The following CHEK2 variants were observed in gnomAD, a reference collection of about 807,000 sequenced individuals.
CHEK2 encodes the protein serine/threonine-protein kinase Chk2.
Under a neutral mutation model 69.1 loss-of-function variants are expected in CHEK2, and 71 were observed. The ratio of observed to expected loss-of-function variants is 1.03; its 90% CI spans 0.85 to 1.25. The LOEUF (loss-of-function observed/expected upper bound fraction) is 1.25. CHEK2 is among the 50% of genes most tolerant of loss of function. The probability of loss-of-function intolerance (pLI) is 0.00; values close to 1 mark genes in which losing one functional copy is unlikely to be tolerated. For missense variants in CHEK2, 664 were observed against 649.6 expected, an observed-to-expected ratio of 1.02 and a Z score of -0.24; for synonymous variants, 189 against 226.9, an observed-to-expected ratio of 0.83 and a Z score of 1.50.
At chr22:28,699,994 G>A (rs1405784906) in intron 8 of CHEK2, 57 bp from the exon 9 acceptor site, 3 of 1,167,092 alleles carry the variant, frequency 2.6e-6, no homozygotes, top group Non-Finnish European at 3.8e-6. Flanking sequence ...CACTTGGACA[G>A]AAGACAATAA....
chr22:28,701,229 CT>C (rs2052832518), intron 8 of CHEK2, among the ~76,000 whole-genome samples: 1 of 151,654 alleles, frequency 6.6e-6, no homozygotes, highest in South Asian at 2.1e-4. Context: ...TTACCATAGT[CT>C]TTTTTCTTTT....
chr22:28,717,531 C>T (rs560659379), intron 5 of CHEK2, among the ~76,000 whole-genome samples: 214 of 149,798 alleles, frequency 1.4e-3, no homozygotes, highest in African/African-American at 4.9e-3. Flanking sequence ...CCCAGGAGTT[C>T]GAGACAAGCC....
At chr22:28,693,485 G>C (rs902242560) in intron 13 of CHEK2, among the ~76,000 whole-genome samples, 3 of 152,166 alleles carry the variant, frequency 2.0e-5, no homozygotes, top group African/African-American at 7.2e-5. Flanking sequence ...TAAGGTTGAA[G>C]ATGGCTGGAA....
In CHEK2 at chr22:28,710,070, C is replaced by T. The variant is rs5997387; in HGVS notation, c.793-11G>A. The T allele has an allele frequency of 9.2e-5, 140 of 1,527,242 alleles. No homozygotes were observed. In the African/African-American group the frequency reaches 1.7e-3, roughly 19 times the overall value. The allele number at this position is 1,527,242 out of a possible 1,614,324, so 94.6% of individuals were successfully genotyped here. ...ATTGAGAGCTGGGTCCTTTGATAAA[C>T]AGAATAACAGAGTTTATTAGTAATA... On this transcript the variant is annotated splice_polypyrimidine_tract_variant and intron_variant, in intron 6 of 14. Coordinates refer to ENST00000404276, the MANE Select transcript of CHEK2 (RefSeq NM_007194.4).
At chr22:28,703,834 G>A (rs1374375605) in intron 7 of CHEK2, among the ~76,000 whole-genome samples, 1 of 152,166 alleles carries the variant, frequency 6.6e-6, no homozygotes. Context: ...TGGGAATGAA[G>A]GCTAGGTCTC....
At chr22:28,695,617 C>A in intron 11 of CHEK2, 93 bp downstream of exon 11, 1 of 1,060,714 alleles carries the variant, frequency 9.4e-7, no homozygotes, top group South Asian at 1.3e-5. Context: ...GATCAAGCCA[C>A]TGCATGCCAG....
rs7292515 is a variant in CHEK2, at chr22:28,714,176, G to A, written c.684-2159C>T. 3.4e-3 allele frequency among the ~76,000 whole-genome samples: 524 copies of A among 152,212 alleles called. 1 individual carries two copies. Among genetic ancestry groups the A allele is most frequent in the African/African-American group, 0.012 (496 of 41,528 alleles). On this transcript the variant is annotated intron_variant, in intron 5 of 14. Coordinates refer to ENST00000404276, the MANE Select transcript of CHEK2 (RefSeq NM_007194.4). ...AGTGGCTACATCATTTTACATTCCC[G>A]TTAGCAGTGCATGGGGGTTCCAATT...
At chr22:28,699,177 T>C (rs1392400030) in intron 9 of CHEK2, among the ~76,000 whole-genome samples, 1 of 151,964 alleles carries the variant, frequency 6.6e-6, no homozygotes, top group African/African-American at 2.4e-5. Context: ...GCTATTTTTA[T>C]TTTTTGTAGA....
intron 2 of CHEK2, among the ~76,000 whole-genome samples, chr22:28,731,587 C>T (rs893248455): frequency 6.6e-6 from 1 of 152,136 alleles, no homozygotes; most frequent in Non-Finnish European, 1.5e-5. Flanking sequence ...CAGAGTGAGA[C>T]TCCGTCTCAA....
rs1569149531 is a variant in CHEK2 at position 28,719,339 on chromosome 22, C to G, written c.683+56G>C. On this transcript the variant is annotated intron_variant, in intron 5 of 14. Transcript: ENST00000404276. ...TATAAAATCAGAAATGAGAAACCAC[C>G]AATCACAAATGTATAGTGAAAAAAT... The G allele has an allele frequency of 1.6e-5, 14 of 888,772 alleles. No homozygotes were observed. The South Asian group carries it at 2.1e-4, about 13-fold the overall frequency. 55.1% of individuals were successfully genotyped at this position (888,772 alleles called of 1,614,324 possible).
chr22:28,715,087 A>T (rs1198656450), intron 5 of CHEK2, among the ~76,000 whole-genome samples: 2 of 152,226 alleles, frequency 1.3e-5, no homozygotes, highest in Non-Finnish European at 2.9e-5. Flanking sequence ...ATTCATACCT[A>T]CAGCCAGAGT....
At position 28,699,892 on chromosome 22, in the gene CHEK2, G is replaced by A. The variant is rs1601738778; in HGVS notation, c.954C>T (p.Arg318=). 6.2e-7 allele frequency: 1 copy of A among 1,613,930 alleles called. No individual in the cohort carries two copies. The highest frequency in any genetic ancestry group is 1.3e-5 in the African/African-American group (1 of 74,902). ...AGAGCTTGCAGGTAGCTTCTTTCAG[G>A]CGTTTATTCCCCACCACTTTGTCAA... The part of the protein sequence containing the change: ...ELFDKVVGNK[R]LKEATCKLYF... The change falls in exon 9 of 15, where the codon CGC becomes CGT. Residue 318 remains arginine (R), a synonymous_variant. Coordinates refer to ENST00000404276, the MANE Select transcript of CHEK2 (RefSeq NM_007194.4).
chr22:28,688,306 T>C (rs2052203628), intron 14 of CHEK2, among the ~76,000 whole-genome samples: 1 of 152,222 alleles, frequency 6.6e-6, no homozygotes, highest in Non-Finnish European at 1.5e-5. Context: ...TACCTCTCAG[T>C]TGAAGCCCCA....
chr22:28,703,622 C>T (rs1370436578), intron 7 of CHEK2, 56 bp from the exon 8 acceptor site: 2 of 1,106,310 alleles, frequency 1.8e-6, no homozygotes, highest in East Asian at 2.5e-5. Flanking sequence ...AGAGGAAAAC[C>T]ACAAGAGCTT....
chr22:28,701,267 C>T (rs1244510739), intron 8 of CHEK2, among the ~76,000 whole-genome samples: 1 of 151,474 alleles, frequency 6.6e-6, no homozygotes, highest in Non-Finnish European at 1.5e-5. Flanking sequence ...GACAGTCTTG[C>T]TCTGTCCATC....
chr22:28,721,281 GTTTT>G (rs755378917), intron 4 of CHEK2, among the ~76,000 whole-genome samples: 3 of 109,944 alleles, frequency 2.7e-5, no homozygotes, highest in Non-Finnish European at 5.4e-5. Flanking sequence ...GTTTGTTTGG[GTTTT>G]TTTTTTTTTT....
chr22:28,727,169 G>A (rs1279100377), intron 2 of CHEK2, among the ~76,000 whole-genome samples: 5 of 152,210 alleles, frequency 3.3e-5, no homozygotes, highest in Non-Finnish European at 4.4e-5. Flanking sequence ...AGCCTCCCGA[G>A]TGGCTGGGAC....
chr22:28,715,695 C>T (rs1052560767), intron 5 of CHEK2, among the ~76,000 whole-genome samples: 2 of 152,188 alleles, frequency 1.3e-5, no homozygotes, highest in Admixed American at 6.5e-5. Context: ...ACCCGGATTA[C>T]AGGCGTTAGC....
At chr22:28,736,152 A>G (rs1016905084) in intron 1 of CHEK2, among the ~76,000 whole-genome samples, 6 of 152,178 alleles carry the variant, frequency 3.9e-5, no homozygotes, top group African/African-American at 1.4e-4. Context: ...AGGTGTATTA[A>G]ATGTAATTTC....
Sources: gnomAD v4.1 joint callset for allele counts (sites outside exome capture counted in the v4.1 genomes callset) on GRCh38, gnomAD v4.1.1 for gene constraint, MANE v1.5 for transcripts, NCBI Gene and HGNC (gene_info 2026-07-23, HGNC 2026-07-21) for gene names.